The following PDE4D variants were observed in gnomAD, a reference collection of about 807,000 sequenced individuals.
PDE4D encodes the protein 3',5'-cyclic-AMP phosphodiesterase 4D.
PDE4D carries 24 observed loss-of-function variants against 87.4 expected under a neutral mutation model. The ratio of observed to expected loss-of-function variants is 0.27; its 90% CI spans 0.20 to 0.39. The LOEUF is 0.39. Among genes scored for constraint, PDE4D ranks in the 10% least tolerant of loss-of-function variants. PDE4D has a pLI of 1.00. For missense variants in PDE4D, 714 were observed against 1,041.0 expected (o/e 0.69, Z 4.32); for synonymous variants, 384 against 383.2 (o/e 1.00, Z -0.02).
chr5:59,217,203 G>C (rs541574649), intron 1 of PDE4D: 6 of 455,934 alleles, frequency 1.3e-5, no homozygotes, highest in South Asian at 9.3e-5. Flanking sequence ...TGTGTTCTTA[G>C]GAGAGGAGGG....
intron 2 of PDE4D, among the ~76,000 whole-genome samples, chr5:60,066,472 A>G (rs13173263): frequency 2.6e-5 from 4 of 152,088 alleles, no homozygotes; most frequent in South Asian, 4.1e-4. Context: ...AAGGTACACT[A>G]TTGACCTAGA....
At chr5:59,661,177 T>C (rs892805514) in intron 1 of PDE4D, among the ~76,000 whole-genome samples, 3 of 151,702 alleles carry the variant, frequency 2.0e-5, no homozygotes, top group Admixed American at 2.0e-4. Context: ...ACTATAAACA[T>C]GTTGAACATT....
At chr5:59,546,592 T>C (rs1283674646) in intron 1 of PDE4D, among the ~76,000 whole-genome samples, 3 of 152,144 alleles carry the variant, frequency 2.0e-5, no homozygotes, top group Admixed American at 6.6e-5. Context: ...CCAATTTAAC[T>C]GGGCAATGAA....
At chr5:59,911,912 A>G (rs1224695653) in intron 3 of PDE4D, among the ~76,000 whole-genome samples, 1 of 152,210 alleles carries the variant, frequency 6.6e-6, no homozygotes, top group East Asian at 1.9e-4. Flanking sequence ...TTCTCTGTTT[A>G]AATGGATAAT....
At chr5:60,250,708 T>C (rs1452445029) in intron 1 of PDE4D, among the ~76,000 whole-genome samples, 2 of 152,020 alleles carry the variant, frequency 1.3e-5, no homozygotes, top group Non-Finnish European at 1.5e-5. Flanking sequence ...TACTACATAA[T>C]ACATGATAAC....
rs532579408 is a variant in PDE4D at position 59,054,918 on chromosome 5, C to G, written c.809-15947G>C. Among the ~76,000 whole-genome samples the G allele has an allele frequency of 3.5e-3, 537 of 152,298 alleles. 3 individuals carry two copies. Among genetic ancestry groups the G allele is most frequent in the African/African-American group, 0.013 (522 of 41,560 alleles). On this transcript the variant is annotated intron_variant, in intron 5 of 14. Coordinates refer to ENST00000340635, the MANE Select transcript of PDE4D (RefSeq NM_001104631.2). ...CCTTTTTATAATTAAAAAACTCTCC[C>G]TCTACTTCTCTACTTCACGTGAGAG...
chr5:59,141,403 A>G (rs1308134320), intron 5 of PDE4D, among the ~76,000 whole-genome samples: 1 of 152,184 alleles, frequency 6.6e-6, no homozygotes. Flanking sequence ...TTCCAGGGGC[A>G]TGCAGTCTGT....
intron 2 of PDE4D, among the ~76,000 whole-genome samples, chr5:60,101,014 T>C (rs1776163981): frequency 1.3e-5 from 2 of 152,114 alleles, no homozygotes; most frequent in Admixed American, 1.3e-4. Context: ...AAAATGATCA[T>C]GTTCCTAGGA....
At chr5:60,038,047 G>C (rs377442469) in intron 2 of PDE4D, among the ~76,000 whole-genome samples, 1 of 152,018 alleles carries the variant, frequency 6.6e-6, no homozygotes, top group African/African-American at 2.4e-5. Context: ...TGAGTAGGTC[G>C]CGAAAATTTT....
chr5:59,003,827 T>C (rs954375361), intron 6 of PDE4D, among the ~76,000 whole-genome samples: 1 of 151,942 alleles, frequency 6.6e-6, no homozygotes, highest in East Asian at 1.9e-4. Context: ...GAAAACCAAG[T>C]GAGGAATGGC....
intron 1 of PDE4D, among the ~76,000 whole-genome samples, chr5:59,479,255 A>G (rs1272252493): frequency 6.6e-6 from 1 of 151,990 alleles, no homozygotes; most frequent in East Asian, 1.9e-4. Context: ...ATACTTTACA[A>G]TGCTCCCTGG....
chr5:58,986,890 G>A (rs1288280659), intron 11 of PDE4D, among the ~76,000 whole-genome samples: 1 of 151,786 alleles, frequency 6.6e-6, no homozygotes, highest in African/African-American at 2.4e-5. Context: ...TTAATTCTAA[G>A]GGAACATATA....
At chr5:59,142,659 G>A (rs775342713) in intron 5 of PDE4D, among the ~76,000 whole-genome samples, 10 of 152,210 alleles carry the variant, frequency 6.6e-5, no homozygotes, top group Non-Finnish European at 1.3e-4. Flanking sequence ...GAAATGGGCT[G>A]GTCACAGTGG....
intron 1 of PDE4D, among the ~76,000 whole-genome samples, chr5:59,528,544 C>G (rs80078151): frequency 0.032 from 4,836 of 152,004 alleles, 257 homozygotes; most frequent in African/African-American, 0.11. Flanking sequence ...CAGTGTCTAT[C>G]TAATCTAAAG....
At chr5:59,403,144 GACA>G (rs1790973677) in intron 1 of PDE4D, among the ~76,000 whole-genome samples, 1 of 131,274 alleles carries the variant, frequency 7.6e-6, no homozygotes, top group African/African-American at 2.7e-5. Context: ...TAGGTAGGTA[GACA>G]GACAGACAGA....
chr5:59,547,722 T>G (rs1817503480), intron 1 of PDE4D, among the ~76,000 whole-genome samples: 1 of 152,206 alleles, frequency 6.6e-6, no homozygotes, highest in South Asian at 2.1e-4. Context: ...CTGGTTACAG[T>G]GTATCTCTGA....
rs184950792 is a variant in PDE4D, at chr5:59,267,443, C to T, written c.456-51475G>A. On this transcript the variant is annotated intron_variant, in intron 1 of 14. Transcript: ENST00000340635. ...AAACAAGAAAGAGAATTAGATACAA[C>T]GGGAGCACTTTTCTCTAGGAAGTCT... Among the ~76,000 whole-genome samples, 287 of 152,118 alleles carry T rather than the reference C, an allele frequency of 1.9e-3. 1 individual carries two copies. The highest frequency in any genetic ancestry group is 3.5e-3 in the Non-Finnish European group (239 of 67,966).
intron 1 of PDE4D, among the ~76,000 whole-genome samples, chr5:59,341,401 G>A (rs942559470): frequency 2.6e-5 from 4 of 152,154 alleles, no homozygotes; most frequent in African/African-American, 7.2e-5. Flanking sequence ...AAGCATCAGA[G>A]TCCCTTATAA....
At chr5:59,572,029 G>T (rs1821934677) in intron 1 of PDE4D, among the ~76,000 whole-genome samples, 1 of 152,042 alleles carries the variant, frequency 6.6e-6, no homozygotes, top group Non-Finnish European at 1.5e-5. Context: ...TTGAATTTGT[G>T]CTTGAAACAT....
Sources: gnomAD v4.1 joint callset for allele counts (sites outside exome capture counted in the v4.1 genomes callset) on GRCh38, gnomAD v4.1.1 for gene constraint, MANE v1.5 for transcripts, NCBI Gene and HGNC (gene_info 2026-07-23, HGNC 2026-07-21) for gene names.